The following DACH2 variants were observed in gnomAD, a reference collection of about 807,000 sequenced individuals.
DACH2 encodes the protein dachshund homolog 2.
Under a neutral mutation model 35.8 loss-of-function variants are expected in DACH2, and 17 were observed. That is an observed-to-expected ratio of 0.48 (90% confidence interval 0.33 to 0.71). The LOEUF (loss-of-function observed/expected upper bound fraction) is 0.71, where lower values mean the gene tolerates loss of function less well. Ranked by LOEUF, DACH2 falls within the 30% of genes least tolerant of loss-of-function variation. DACH2 has a pLI of 0.02. For missense variants in DACH2, 469 were observed against 472.7 expected (o/e 0.99, Z 0.07); for synonymous variants, 195 against 177.3 (o/e 1.10, Z -0.79).
intron 1 of DACH2, among the ~76,000 whole-genome samples, chrX:86,310,508 T>C (rs2034777864): frequency 9.0e-6 from 1 of 111,542 alleles, no homozygotes; most frequent in Admixed American, 9.6e-5. Flanking sequence ...AGTGGACAGC[T>C]GCAGCACAAC....
chrX:86,208,874 TA>T (rs1457938954), intron 1 of DACH2, among the ~76,000 whole-genome samples: 1 of 111,867 alleles, frequency 8.9e-6, no homozygotes, highest in Non-Finnish European at 1.9e-5. Context: ...AGTATAAACC[TA>T]AAGTTTCTTC....
intron 2 of DACH2, among the ~76,000 whole-genome samples, chrX:86,380,952 C>A (rs2036038058): frequency 9.1e-6 from 1 of 110,074 alleles, no homozygotes; most frequent in South Asian, 3.7e-4. Flanking sequence ...TTTTAATTGT[C>A]CGTTATACTA....
intron 7 of DACH2, among the ~76,000 whole-genome samples, chrX:86,799,845 T>C (rs746539760): frequency 8.9e-6 from 1 of 111,789 alleles, no homozygotes; most frequent in African/African-American, 3.3e-5. Flanking sequence ...AAGGCTAGCA[T>C]AGCTTCAGAT....
At chrX:86,755,529 G>T (rs1473557716) in intron 7 of DACH2, among the ~76,000 whole-genome samples, 1 of 105,740 alleles carries the variant, frequency 9.5e-6, no homozygotes, top group African/African-American at 3.5e-5. Context: ...TTTCCCCTAT[G>T]TTTTCTTCTA....
rs770559131 is a variant in DACH2, at chrX:86,306,542, C to T, written c.489-70282C>T. ...TGGGGAAGGCAAATCCAGCCTTAAT[C>T]TGGTGGGCAAAATCTAATCAGCTTC... On this transcript the variant is annotated intron_variant, in intron 1 of 11. Coordinates refer to ENST00000373125, the MANE Select transcript of DACH2 (RefSeq NM_053281.3). Among the ~76,000 whole-genome samples, 15 of 111,712 alleles carry T rather than the reference C, an allele frequency of 1.3e-4. No individual in the cohort carries two copies. In the South Asian group the frequency reaches 5.3e-3, roughly 39 times the overall value.
chrX:86,646,814 A>G (rs968151058), intron 3 of DACH2, among the ~76,000 whole-genome samples: 2 of 109,658 alleles, frequency 1.8e-5, no homozygotes, highest in African/African-American at 6.6e-5. Flanking sequence ...TGACACTTAT[A>G]CATCCTAAAT....
chrX:86,632,202 G>T (rs2040209223), intron 3 of DACH2, among the ~76,000 whole-genome samples: 1 of 110,875 alleles, frequency 9.0e-6, no homozygotes, highest in African/African-American at 3.3e-5. Flanking sequence ...TATTAGTAAA[G>T]AAAGCACTCA....
chrX:86,654,275 A>G (rs2040516428), intron 4 of DACH2, among the ~76,000 whole-genome samples: 1 of 109,324 alleles, frequency 9.1e-6, no homozygotes, highest in Non-Finnish European at 1.9e-5. Context: ...GTTAAATTCA[A>G]TATAATGTGA....
At chrX:86,814,976 G>T (rs1370284903) in intron 10 of DACH2, 142 bp downstream of exon 10, 3 of 666,075 alleles carry the variant, frequency 4.5e-6, no homozygotes, top group Non-Finnish European at 6.4e-6. Flanking sequence ...GTCCAGGAAT[G>T]ATTAAAAAAT....
intron 7 of DACH2, among the ~76,000 whole-genome samples, chrX:86,792,212 C>A (rs1458773233): frequency 1.8e-5 from 2 of 110,874 alleles, no homozygotes; most frequent in Non-Finnish European, 3.8e-5. Context: ...ATTCTTTTTG[C>A]AAAACAATTG....
At chrX:86,532,342 G>C (rs1283871213) in intron 3 of DACH2, among the ~76,000 whole-genome samples, 1 of 111,542 alleles carries the variant, frequency 9.0e-6, no homozygotes, top group Admixed American at 9.5e-5. Context: ...CTCCAGCAAA[G>C]TGTCATCTTG....
chrX:86,226,541 G>A (rs2032826759), intron 1 of DACH2, among the ~76,000 whole-genome samples: 3 of 111,738 alleles, frequency 2.7e-5, no homozygotes, highest in Admixed American at 9.5e-5. Context: ...TCTTATGGAA[G>A]TAACTAGAGA....
chrX:86,493,650 T>C (rs2038125705), intron 2 of DACH2, among the ~76,000 whole-genome samples: 1 of 111,434 alleles, frequency 9.0e-6, no homozygotes, highest in Admixed American at 9.6e-5. Context: ...AGGTAGGTGT[T>C]AATACTTCCA....
chrX:86,722,519 GT>G (rs142794566), intron 6 of DACH2, among the ~76,000 whole-genome samples: 34,360 of 100,634 alleles, frequency 0.34, 4,632 homozygotes, highest in Middle Eastern at 0.43. Flanking sequence ...TGGCTAATGT[GT>G]TTTTTTTTTT....
Position 86,270,471 on chromosome X carries a change from A to G in DACH2, c.489-106353A>G, listed in dbSNP as rs752440127. Among the ~76,000 whole-genome samples, 104 of 111,631 alleles carry G rather than the reference A, an allele frequency of 9.3e-4. 1 individual carries two copies. Among genetic ancestry groups the G allele is most frequent in the Non-Finnish European group, 1.7e-3 (92 of 53,062 alleles). ...CACACTTGTGAATAGCTCACTCTCTACAAAAGACCTACGAGTCAAGTGTAG... is the reference window on the plus strand; with the variant it reads ...CACACTTGTGAATAGCTCACTCTCTGCAAAAGACCTACGAGTCAAGTGTAG... On this transcript the variant is annotated intron_variant, in intron 1 of 11. Coordinates refer to ENST00000373125, the MANE Select transcript of DACH2 (RefSeq NM_053281.3).
At chrX:86,774,066 A>T (rs756882160) in intron 7 of DACH2, among the ~76,000 whole-genome samples, 20 of 111,652 alleles carry the variant, frequency 1.8e-4, no homozygotes, top group Non-Finnish European at 2.6e-4. Context: ...AAGACTATGT[A>T]CCCACAAAAA....
intron 2 of DACH2, among the ~76,000 whole-genome samples, chrX:86,414,335 A>G (rs766993612): frequency 3.2e-4 from 36 of 111,634 alleles, no homozygotes; most frequent in Non-Finnish European, 6.0e-4. Context: ...AGCTCTACAC[A>G]AGTCACACTG....
At chrX:86,239,578 A>G (rs890414996) in intron 1 of DACH2, among the ~76,000 whole-genome samples, 2 of 112,036 alleles carry the variant, frequency 1.8e-5, no homozygotes, top group African/African-American at 6.5e-5. Flanking sequence ...TGAATATAAC[A>G]AAGTTCACTT....
chrX:86,613,369 C>T (rs1468577800), intron 3 of DACH2, among the ~76,000 whole-genome samples: 1 of 110,964 alleles, frequency 9.0e-6, no homozygotes, highest in East Asian at 2.8e-4. Flanking sequence ...CTTATGTTTA[C>T]CTTTACTCCG....
Sources: allele counts gnomAD v4.1 joint callset (sites outside exome capture counted in the v4.1 genomes callset), GRCh38; gene constraint gnomAD v4.1.1; transcripts MANE v1.5; gene names NCBI Gene and HGNC (gene_info 2026-07-23, HGNC 2026-07-21).